The following LYST variants were observed in gnomAD, a reference collection of about 807,000 sequenced individuals.
The protein encoded by LYST is lysosomal-trafficking regulator.
A neutral mutation model predicts 413.6 loss-of-function variants in LYST; 192 were observed. The observed-to-expected ratio is 0.46, with a 90% CI of 0.41 to 0.52. LYST has a LOEUF of 0.52. Among genes scored for constraint, LYST ranks in the 20% least tolerant of loss-of-function variants. The probability of loss-of-function intolerance (pLI) is 0.00; values close to 1 mark genes in which losing one functional copy is unlikely to be tolerated. For missense variants in LYST, 3,815 were observed against 4,499.9 expected, an observed-to-expected ratio of 0.85 and a Z score of 4.35; for synonymous variants, 1,525 against 1,567.3, an observed-to-expected ratio of 0.97 and a Z score of 0.64.
At chr1:235,737,918 T>TG in intron 31 of LYST, 2 of 1,164,676 alleles carry the variant, frequency 1.7e-6, no homozygotes, top group South Asian at 3.8e-5. Flanking sequence ...TGCCGACGAG[T>TG]CTGGATCTCA....
intron 22 of LYST, among the ~76,000 whole-genome samples, chr1:235,760,360 TA>T (rs1667469553): frequency 2.0e-5 from 3 of 152,232 alleles, no homozygotes; most frequent in African/African-American, 7.2e-5. Flanking sequence ...GTTACTAGCC[TA>T]AACAGCCCTA....
chr1:235,836,526 C>T (rs12033173), intron 1 of LYST, among the ~76,000 whole-genome samples: 67,625 of 151,944 alleles, frequency 0.45, 16,289 homozygotes, highest in African/African-American at 0.61. Flanking sequence ...GGGAAACGTG[C>T]GTTCCAAGCC....
intron 25 of LYST, 21 bp downstream of exon 25, chr1:235,755,457 T>A: frequency 6.4e-7 from 1 of 1,574,540 alleles, no homozygotes; most frequent in South Asian, 1.1e-5. Context: ...CCAATTATAG[T>A]GGAGGGAAGA....
At chr1:235,675,219 C>T (rs1659283342) in intron 50 of LYST, among the ~76,000 whole-genome samples, 1 of 152,180 alleles carries the variant, frequency 6.6e-6, no homozygotes, top group African/African-American at 2.4e-5. Flanking sequence ...AACTAGCAAA[C>T]CTCTATATGC....
intron 1 of LYST, among the ~76,000 whole-genome samples, chr1:235,872,615 T>C (rs946022636): frequency 6.6e-6 from 1 of 152,206 alleles, no homozygotes; most frequent in Admixed American, 6.5e-5. Context: ...AATTTTTTTA[T>C]GGCCAGCTTC....
chr1:235,756,909 C>T (rs542608793), intron 24 of LYST, among the ~76,000 whole-genome samples: 27 of 152,036 alleles, frequency 1.8e-4, no homozygotes, highest in Non-Finnish European at 3.4e-4. Flanking sequence ...TGATAGTACA[C>T]TGAAGAAGAG....
intron 4 of LYST, among the ~76,000 whole-genome samples, chr1:235,811,662 T>G (rs1386437436): frequency 6.6e-6 from 1 of 152,176 alleles, no homozygotes; most frequent in East Asian, 1.9e-4. Flanking sequence ...TATAAAAAAG[T>G]AGCTGTAATT....
intron 10 of LYST, among the ~76,000 whole-genome samples, chr1:235,793,985 A>T (rs1671303055): frequency 6.6e-6 from 1 of 151,986 alleles, no homozygotes; most frequent in Admixed American, 6.6e-5. Context: ...GGCACGTGTC[A>T]CCATGCCCAG....
intron 1 of LYST, among the ~76,000 whole-genome samples, chr1:235,876,530 C>T (rs941694821): frequency 1.3e-5 from 2 of 152,172 alleles, no homozygotes; most frequent in African/African-American, 4.8e-5. Flanking sequence ...TGAATGAATT[C>T]TCTATGATCT....
chr1:235,703,331 T>C (rs913752987), intron 44 of LYST, among the ~76,000 whole-genome samples: 3 of 152,180 alleles, frequency 2.0e-5, no homozygotes, highest in African/African-American at 7.2e-5. Context: ...AATACAATGC[T>C]GGTAGATAGT....
intron 47 of LYST, among the ~76,000 whole-genome samples, chr1:235,691,697 C>CTTTTTTTTTTTTTTTTTTTT (rs774558822): frequency 7.2e-6 from 1 of 138,204 alleles, no homozygotes; most frequent in Non-Finnish European, 1.5e-5. Flanking sequence ...ATCAGATTCT[C>CTTTTTTTTTTTTTTTTTTTT]TCTTTTTTTT....
chr1:235,836,403 G>A (rs1363488948), intron 1 of LYST, among the ~76,000 whole-genome samples: 1 of 152,176 alleles, frequency 6.6e-6, no homozygotes, highest in East Asian at 1.9e-4. Flanking sequence ...AACAAAGTAA[G>A]GGTATAGAGT....
intron 3 of LYST, chr1:235,827,843 T>C (rs1675505089): frequency 1.3e-6 from 1 of 799,390 alleles, no homozygotes; most frequent in African/African-American, 1.9e-5. Context: ...AGTATTCTAT[T>C]TACCATATAT....
chr1:235,743,777 T>C (rs558712530), intron 30 of LYST, among the ~76,000 whole-genome samples: 57 of 152,304 alleles, frequency 3.7e-4, no homozygotes, highest in Admixed American at 1.2e-3. Flanking sequence ...TAAAAAGCAA[T>C]GCTTCATGAG....
intron 41 of LYST, 115 bp from the exon 42 acceptor site, chr1:235,715,472 C>T: frequency 1.0e-6 from 1 of 956,330 alleles, no homozygotes; most frequent in South Asian, 1.4e-5. Flanking sequence ...GGCCATTCTC[C>T]ATGGCTGGCC....
At position 235,793,581 on chromosome 1, in the gene LYST, T is replaced by C. The variant is rs1427873883; in HGVS notation, c.4038A>G (p.Val1346=). 6.3e-7 allele frequency: 1 copy of C among 1,599,598 alleles called. No homozygotes were observed. The highest frequency in any genetic ancestry group is 2.2e-5 in the East Asian group (1 of 44,494). Residue 1346 remains valine (V), a synonymous_variant, in exon 11 of 53, where the codon GTA becomes GTG. Transcript: ENST00000389793. ...ACQRVLVDLL[V]SLMSSRTCSE... is the part of the protein sequence containing the mutation. ...AACATGTTCTTGAACTCATCAAAGATACCAAAAGATCCACCAATACTCTCT... is the reference window on the plus strand; with the variant it reads ...AACATGTTCTTGAACTCATCAAAGACACCAAAAGATCCACCAATACTCTCT...
chr1:235,672,034 GAT>G (rs1658982289), intron 50 of LYST, among the ~76,000 whole-genome samples: 2 of 152,136 alleles, frequency 1.3e-5, no homozygotes, highest in South Asian at 4.1e-4. Flanking sequence ...TAATAGCTTG[GAT>G]ATAAGGAGAA....
At chr1:235,698,754 T>C (rs1408615355) in intron 45 of LYST, among the ~76,000 whole-genome samples, 1 of 152,036 alleles carries the variant, frequency 6.6e-6, no homozygotes, top group Non-Finnish European at 1.5e-5. Context: ...GTGCCTGCAG[T>C]CCCAGCTGCT....
intron 1 of LYST, among the ~76,000 whole-genome samples, chr1:235,835,907 A>G (rs1230843982): frequency 6.6e-6 from 1 of 152,172 alleles, no homozygotes; most frequent in Admixed American, 6.5e-5. Context: ...CCAATTTTAA[A>G]TCTAACTTTA....
Sources: allele counts gnomAD v4.1 joint callset (sites outside exome capture counted in the v4.1 genomes callset), GRCh38; gene constraint gnomAD v4.1.1; transcripts MANE v1.5; gene names NCBI Gene and HGNC (gene_info 2026-07-23, HGNC 2026-07-21).